Variants in SNRNP200 observed in about 807,000 individuals in gnomAD.
The protein encoded by SNRNP200 is small nuclear ribonucleoprotein U5 subunit 200, also known as U5 small nuclear ribonucleoprotein 200 kDa helicase.
A neutral mutation model predicts 255.2 loss-of-function variants in SNRNP200; 66 were observed. That is an observed-to-expected ratio of 0.26 (90% confidence interval 0.21 to 0.32). The LOEUF (loss-of-function observed/expected upper bound fraction) is 0.32. SNRNP200 is among the 10% of genes least tolerant of loss of function. The pLI, the probability that SNRNP200 is intolerant of heterozygous loss-of-function variation, is 1.00. For missense variants in SNRNP200, 1,585 were observed against 2,749.8 expected (o/e 0.58, Z 9.47); for synonymous variants, 939 against 1,027.8 (o/e 0.91, Z 1.65).
chr2:96,304,817 G>A lies in SNRNP200; in HGVS notation c.97C>T (p.Arg33Trp). ...ADRSLIDRTR[R>W]DEPTGEVLSL... ...AGCACCTCTCCTGTGGGTTCATCCC[G>A]GCGGGTCCGGTCAATGAGAGAACGG... Residue 33 changes from arginine to tryptophan, a missense_variant, in exon 2 of 45, where the codon CGG (arginine) becomes TGG (tryptophan). This residue lies in a region of SNRNP200 where 6 missense variants were observed against 56.2 expected (regional missense o/e 0.11). Transcript: ENST00000323853. 6.2e-7 allele frequency: 1 copy of A among 1,614,134 alleles called. No individual in the cohort carries two copies. Among genetic ancestry groups the A allele is most frequent in the Non-Finnish European group, 8.5e-7 (1 of 1,180,022 alleles).
At chr2:96,292,524 CCT>C (rs1367671586) in intron 16 of SNRNP200, among the ~76,000 whole-genome samples, 4 of 152,114 alleles carry the variant, frequency 2.6e-5, no homozygotes, top group African/African-American at 9.7e-5. Flanking sequence ...TTTTCATTTT[CCT>C]CTTTTTATTG....
At position 96,283,340 on chromosome 2, in the gene SNRNP200, G is replaced by A; in HGVS notation, c.4776C>T (p.Cys1592=). ...ADIQRQRFLH[C]TEKDLIPYLE... is the part of the protein sequence containing the mutation. ...GGTACGGAATCAGATCCTTCTCGGT[G>A]CAGTGCAAGAACCTGTGCGGTACAG... is the stretch of plus-strand genomic sequence containing the variant. The change falls in exon 34 of 45, where the codon TGC becomes TGT. Residue 1592 remains cysteine (C), a synonymous_variant. Coordinates refer to ENST00000323853, the MANE Select transcript of SNRNP200 (RefSeq NM_014014.5). This position sits in a 1 kb window ranked among gnomAD's most constrained non-coding sequence, Gnocchi z 4.7. The A allele has an allele frequency of 6.2e-7, 1 of 1,614,146 alleles. No individual in the cohort carries two copies. Among genetic ancestry groups the A allele is most frequent in the Non-Finnish European group, 8.5e-7 (1 of 1,180,042 alleles).
At chr2:96,297,094 A>G in intron 11 of SNRNP200, 24 bp from the exon 12 acceptor site, 2 of 1,614,134 alleles carry the variant, frequency 1.2e-6, no homozygotes, top group Middle Eastern at 1.7e-4. Flanking sequence ...AGTGCCATCA[A>G]TATCATGTTG....
In SNRNP200 at chr2:96,277,000, G is replaced by A. The variant is rs1194638645; in HGVS notation, c.6093-15C>T. 1.2e-6 allele frequency: 2 copies of A among 1,614,138 alleles called. No individual in the cohort carries two copies. Among genetic ancestry groups the A allele is most frequent in the East Asian group, 2.2e-5 (1 of 44,880 alleles). On this transcript the variant is annotated splice_polypyrimidine_tract_variant and intron_variant, in intron 42 of 44. Coordinates refer to ENST00000323853, the MANE Select transcript of SNRNP200 (RefSeq NM_014014.5). Reference sequence around the variant, plus strand: ...CTGGCCCGCCACTGCAGGGGGAGAGGAGGGGCGCACGTCAGTGATGGGGCA... The same window carrying A: ...CTGGCCCGCCACTGCAGGGGGAGAGAAGGGGCGCACGTCAGTGATGGGGCA...
Position 96,290,535 on chromosome 2 carries a change from C to G in SNRNP200, c.2554-21G>C. On this transcript the variant is annotated intron_variant, in intron 19 of 44. Transcript: ENST00000323853. The surrounding 1 kb of genome is among the most constrained non-coding windows in gnomAD (Gnocchi z 4.5). ...AGCATCTAGATCAGAGACAGCGAAC[C>G]AAGAATGCTATGTCAAGAGAATGTC... The G allele has an allele frequency of 6.8e-6, 11 of 1,614,096 alleles. No homozygotes were observed. Among genetic ancestry groups the G allele is most frequent in the Non-Finnish European group, 9.3e-6 (11 of 1,179,984 alleles).
intron 9 of SNRNP200, 43 bp downstream of exon 9, chr2:96,298,241 C>T (rs1268642505): frequency 2.5e-6 from 4 of 1,613,664 alleles, no homozygotes; most frequent in South Asian, 1.1e-5. Context: ...TTCTAGCCAC[C>T]GTTAGCTCAG....
intron 3 of SNRNP200, among the ~76,000 whole-genome samples, chr2:96,302,708 T>C (rs1445721483): frequency 1.3e-5 from 2 of 152,236 alleles, no homozygotes; most frequent in East Asian, 3.8e-4. Flanking sequence ...TATACAGCTA[T>C]AAATCGAGGT....
At position 96,290,280 on chromosome 2, in the gene SNRNP200, G is replaced by C; in HGVS notation, c.2742+46C>G. ...GGACCGACCCACTCCTGGTGCCTTG[G>C]TGTCTGCGGGGAAAGCATGAAGCAC... On this transcript the variant is annotated intron_variant, in intron 20 of 44. Transcript: ENST00000323853. The surrounding 1 kb of genome is among the most constrained non-coding windows in gnomAD (Gnocchi z 4.5). 6.2e-7 allele frequency: 1 copy of C among 1,601,858 alleles called. No individual in the cohort carries two copies. Among genetic ancestry groups the C allele is most frequent in the East Asian group, 2.2e-5 (1 of 44,824 alleles).
intron 9 of SNRNP200, 51 bp from the exon 10 acceptor site, chr2:96,297,771 G>A (rs756439626): frequency 1.1e-5 from 17 of 1,600,766 alleles, no homozygotes; most frequent in Non-Finnish European, 1.5e-5. Flanking sequence ...AGTATCATAG[G>A]TTCTTGTCCT....
At chr2:96,302,171 G>A (rs1401963865) in intron 3 of SNRNP200, among the ~76,000 whole-genome samples, 2 of 152,194 alleles carry the variant, frequency 1.3e-5, no homozygotes, top group African/African-American at 4.8e-5. Context: ...TGTGACTCGG[G>A]AAAATTACTT....
At position 96,297,640 on chromosome 2, in the gene SNRNP200, T is replaced by C. The variant is rs1406394138; in HGVS notation, c.1200A>G (p.Gly400=). 1.2e-6 allele frequency: 2 copies of C among 1,614,110 alleles called. No homozygotes were observed. The highest frequency in any genetic ancestry group is 1.7e-6 in the Non-Finnish European group (2 of 1,180,042). The change falls in exon 10 of 45, where the codon GGA becomes GGG. Residue 400 remains glycine (G), a synonymous_variant. Coordinates refer to ENST00000323853, the MANE Select transcript of SNRNP200 (RefSeq NM_014014.5). ...AATAAATCGCCCTGGATCCTACCTC[T>C]CCACCCTGGTCGAGATCCATGGTTT... is the stretch of plus-strand genomic sequence containing the variant. The part of the protein sequence containing the change: ...DLETMDLDQG[G]EALAPRQVLD...
chr2:96,297,727 T>C lies in SNRNP200; in HGVS notation c.1120-7A>G, dbSNP rs1296657022. The C allele has an allele frequency of 6.2e-7, 1 of 1,614,120 alleles. No individual in the cohort carries two copies. The highest frequency in any genetic ancestry group is 1.1e-5 in the South Asian group (1 of 91,072). On this transcript the variant is annotated splice_polypyrimidine_tract_variant and splice_region_variant and intron_variant, in intron 9 of 44. Coordinates refer to ENST00000323853, the MANE Select transcript of SNRNP200 (RefSeq NM_014014.5). ...CTCTCCGGGACCTTTCCTCCTGTAG[T>C]GGACAAAGATAAAAATCACAAAAAC...
rs778299650 is a variant in SNRNP200, at chr2:96,277,637, G to C, written c.5833C>G (p.Leu1945Val). The C allele has an allele frequency of 5.6e-6, 9 of 1,614,074 alleles. No homozygotes were observed. Among genetic ancestry groups the C allele is most frequent in the Non-Finnish European group, 7.6e-6 (9 of 1,180,040 alleles). ...ATGGCTTGGGTGACCATCTGGGCCA[G>C]TTCCATAGCTGCCAGAGCAGGGCTG... is the stretch of plus-strand genomic sequence containing the variant. ...WLSPALAAME[L>V]AQMVTQAMWS... Residue 1945 changes from leucine to valine, a missense_variant, in exon 41 of 45, where the codon CTG becomes GTG. Leu to Val is a conservative substitution (Grantham distance 32, BLOSUM62 1). Coordinates refer to ENST00000323853, the MANE Select transcript of SNRNP200 (RefSeq NM_014014.5). The surrounding 1 kb of genome is among the most constrained non-coding windows in gnomAD (Gnocchi z 4.4).
Position 96,284,021 on chromosome 2 carries a change from AG to A in SNRNP200, c.4393-18del. On this transcript the variant is annotated intron_variant, in intron 31 of 44. Transcript: ENST00000323853. The stretch of plus-strand genomic sequence containing the variant: ...TAAGACAGGCTGGAAAGAGGGAGGG[AG>A]GGAGGGTCACTGCAGGCCAAGGCTC... 3.4e-6 allele frequency: 2 copies of A among 588,540 alleles called. No individual in the cohort carries two copies. The allele number at this position is 588,540 out of a possible 1,614,324, so 36.5% of individuals were successfully genotyped here. A position where few individuals can be genotyped will look rare whatever the true frequency, so the allele number is the denominator to read the frequency against.
intron 5 of SNRNP200, 65 bp downstream of exon 5, chr2:96,300,933 G>C (rs2063948673): frequency 6.7e-6 from 9 of 1,345,944 alleles, no homozygotes; most frequent in African/African-American, 2.9e-5. Context: ...GTTTACACTA[G>C]AAGGGGTCCC....
intron 30 of SNRNP200, chr2:96,284,974 T>C (rs983684194): frequency 3.0e-6 from 2 of 667,282 alleles, no homozygotes; most frequent in South Asian, 3.1e-5. Flanking sequence ...GGTCTCGAAC[T>C]CCTGATCTCC....
intron 14 of SNRNP200, among the ~76,000 whole-genome samples, chr2:96,294,370 G>A (rs766883562): frequency 7.9e-5 from 12 of 151,974 alleles, no homozygotes; most frequent in Admixed American, 2.6e-4. Flanking sequence ...CCCGGGAGGC[G>A]GAGGCTGTAG....
At chr2:96,282,301 G>T (rs2063804818) in intron 34 of SNRNP200, 1 of 227,708 alleles carries the variant, frequency 4.4e-6, no homozygotes, top group South Asian at 6.9e-5. Flanking sequence ...CAAACAGGCA[G>T]ATTCAAGGGC....
intron 11 of SNRNP200, 99 bp downstream of exon 11, chr2:96,297,264 A>G: frequency 6.5e-7 from 1 of 1,550,322 alleles, no homozygotes; most frequent in Middle Eastern, 2.3e-4. Flanking sequence ...TCAGCCCTGA[A>G]ATAAACTATA....
Sources: allele counts gnomAD v4.1 joint callset (sites outside exome capture counted in the v4.1 genomes callset), GRCh38; gene constraint gnomAD v4.1.1; regional missense constraint gnomAD v4.1.1; non-coding constraint Gnocchi (gnomAD v3.1); transcripts MANE v1.5; gene names NCBI Gene and HGNC (gene_info 2026-07-23, HGNC 2026-07-21).